SLC16A8: variants seen among roughly 807,000 people sequenced by gnomAD.
The protein encoded by SLC16A8 is solute carrier family 16 member 8.
SLC16A8 carries 20 observed loss-of-function variants against 22.4 expected under a neutral mutation model. The ratio of observed to expected loss-of-function variants is 0.89; its 90% confidence interval spans 0.63 to 1.30. The LOEUF (loss-of-function observed/expected upper bound fraction) is 1.30. Ranked by LOEUF, SLC16A8 falls within the 50% of genes most tolerant of loss-of-function variation. The pLI is 0.00. For missense variants in SLC16A8, 817 were observed against 740.3 expected, an observed-to-expected ratio of 1.10 and a Z score of -1.20; for synonymous variants, 393 against 358.8, an observed-to-expected ratio of 1.10 and a Z score of -1.08.
In SLC16A8 at chr22:38,081,123, C is replaced by T. The variant is rs1555959259; in HGVS notation, c.915G>A (p.Ala305=). The T allele has an allele frequency of 4.5e-6, 7 of 1,542,726 alleles. No individual in the cohort carries two copies. The highest frequency in any genetic ancestry group is 2.4e-5 in the South Asian group (2 of 83,520). The change falls in exon 5 of 6, where the codon GCG becomes GCA. Residue 305 remains alanine (A), a synonymous_variant. Transcript: ENST00000681075. The stretch of plus-strand genomic sequence containing the variant: ...GCGCCAGGCCCGCCAGGGCGCCGCA[C>T]GCCGGGCGCGCCACGATGTCCACGA... The part of the protein sequence containing the change: ...VGFVDIVARP[A]CGALAGLARL...
At position 38,083,034 on chromosome 22, in the gene SLC16A8, A is replaced by T. The variant is rs1569210685; in HGVS notation, c.-9+8T>A. ...AACCAAAAGGGGAAACGGAGGTAGG[A>T]CTCTCACCCCAAGTCTCCTTCTCCT... On this transcript the variant is annotated splice_region_variant and intron_variant, in intron 2 of 5. Coordinates refer to ENST00000681075, the MANE Select transcript of SLC16A8 (RefSeq NM_013356.3). The T allele has an allele frequency of 6.7e-6, 4 of 600,544 alleles. No individual in the cohort carries two copies. The highest frequency in any genetic ancestry group is 2.9e-6 in the Non-Finnish European group (1 of 339,376). The allele number at this position is 600,544 out of a possible 1,614,324, so 37.2% of individuals were successfully genotyped here.
Position 38,081,888 on chromosome 22 carries a change from C to A in SLC16A8, c.358+1G>T. 3 of 1,593,416 alleles carry A rather than the reference C, an allele frequency of 1.9e-6. No individual in the cohort carries two copies. Among genetic ancestry groups the A allele is most frequent in the Admixed American group, 1.7e-5 (1 of 57,512 alleles). On this transcript the variant is annotated splice_donor_variant, in intron 4 of 5. Transcript: ENST00000681075. LOFTEE classifies it high-confidence loss of function. ...CGGAGAGGAGACCAGGGGGCCCTCA[C>A]CTGTGAGCACCCCAGCGGTCAGGTA...
At chr22:38,078,807 G>T in intron 5 of SLC16A8, 103 bp from the exon 6 acceptor site, 2 of 952,760 alleles carry the variant, frequency 2.1e-6, no homozygotes, top group Non-Finnish European at 3.1e-6. Flanking sequence ...ACTTGGTGAG[G>T]CTCCTGGGTG....
Position 38,080,974 on chromosome 22 carries a change from A to T in SLC16A8, c.1064T>A (p.Leu355His). ...ALVAFCVAFG[L>H]SYGMVGALQF... ...CAGCGCGCCCACCATGCCGTAGGAGAGGCCGAAGGCGACGCAGAAGGCGAC... is the reference window on the plus strand; with the variant it reads ...CAGCGCGCCCACCATGCCGTAGGAGTGGCCGAAGGCGACGCAGAAGGCGAC... The change falls in exon 5 of 6, where the codon CTC (leucine) becomes CAC (histidine). Residue 355 changes from leucine (L) to histidine (H), a missense_variant. By Grantham distance (99) the Leu-to-His change is moderately conservative. Transcript: ENST00000681075. 1 of 1,597,466 alleles carries T rather than the reference A, an allele frequency of 6.3e-7. No homozygotes were observed.
rs2085873389 is a variant in SLC16A8 at position 38,078,266 on chromosome 22, T to C, written c.*122A>G. The C allele has an allele frequency of 1.1e-6, 1 of 926,180 alleles. No homozygotes were observed. The highest frequency in any genetic ancestry group is 1.7e-5 in the African/African-American group (1 of 60,570). 57.4% of individuals were successfully genotyped at this position (926,180 alleles called of 1,614,324 possible). A position where few individuals can be genotyped will look rare whatever the true frequency, so the allele number is the denominator to read the frequency against. On this transcript the variant is annotated 3_prime_UTR_variant, in exon 6 of 6. Coordinates refer to ENST00000681075, the MANE Select transcript of SLC16A8 (RefSeq NM_013356.3). The stretch of plus-strand genomic sequence containing the variant: ...GTTCCCAGACACCCAGGGGATCAAC[T>C]GGAGCCCAGACGTGGACCCCGGGAG...
At chr22:38,082,156 G>T in intron 3 of SLC16A8, 124 bp from the exon 4 acceptor site, 1 of 1,172,538 alleles carries the variant, frequency 8.5e-7, no homozygotes, top group South Asian at 1.6e-5. Flanking sequence ...ACACAGCTTG[G>T]AGGGGACAGG....
Position 38,081,675 on chromosome 22 carries a change from C to A in SLC16A8, c.363G>T (p.Leu121=). 6.6e-7 allele frequency: 1 copy of A among 1,516,678 alleles called. No individual in the cohort carries two copies. 94.0% of individuals were successfully genotyped at this position (1,516,678 alleles called of 1,614,324 possible). A position where few individuals can be genotyped will look rare whatever the true frequency, so the allele number is the denominator to read the frequency against. ...ACGGCTGGAAGTTGAGGGCCAGGCC[C>A]AGGCCTGCGGGCGAGGCGGTGCTGT... The part of the protein sequence containing the change: ...LYLTAGVLTG[L]GLALNFQPSL... Residue 121 remains leucine, a synonymous_variant, in exon 5 of 6, where the codon CTG becomes CTT. Coordinates refer to ENST00000681075, the MANE Select transcript of SLC16A8 (RefSeq NM_013356.3).
At chr22:38,080,798 A>AG (rs1434044640) in intron 5 of SLC16A8, 42 bp downstream of exon 5, 13 of 1,451,908 alleles carry the variant, frequency 9.0e-6, no homozygotes, top group Non-Finnish European at 1.2e-5. Flanking sequence ...CCTGGGTCTA[A>AG]GGGGCACTAG....
chr22:38,078,942 C>T (rs1328274956), intron 5 of SLC16A8, among the ~76,000 whole-genome samples: 1 of 152,230 alleles, frequency 6.6e-6, no homozygotes, highest in African/African-American at 2.4e-5. Context: ...TGATATGTGG[C>T]TTCTGGTGAG....
At position 38,078,481 on chromosome 22, in the gene SLC16A8, G is replaced by A; in HGVS notation, c.1422C>T (p.Gly474=). 6.2e-7 allele frequency: 1 copy of A among 1,614,002 alleles called. No homozygotes were observed. ...EPLPVVAEEP[G]NLEALEVLSA... is the part of the protein sequence containing the mutation. ...TGAGCACCTCCAGGGCCTCCAGGTT[G>A]CCGGGTTCCTCTGCAACAACAGGCA... Residue 474 remains glycine, a synonymous_variant, in exon 6 of 6, where the codon GGC becomes GGT. Transcript: ENST00000681075.
At position 38,084,137 on chromosome 22, in the gene SLC16A8, G is replaced by T. The variant is rs1464531714; in HGVS notation, c.-478C>A. Reference sequence around the variant, plus strand: ...ACCAGCCTGGGCTGAGCCTCTGGCCGACTCCCGCCTGACGCTCCCTGCCCC... The same window carrying T: ...ACCAGCCTGGGCTGAGCCTCTGGCCTACTCCCGCCTGACGCTCCCTGCCCC... On this transcript the variant is annotated 5_prime_UTR_variant, in exon 1 of 6. Coordinates refer to ENST00000681075, the MANE Select transcript of SLC16A8 (RefSeq NM_013356.3). The T allele has an allele frequency of 6.6e-6, 1 of 152,308 alleles. No homozygotes were observed. Among genetic ancestry groups the T allele is most frequent in the African/African-American group, 2.4e-5 (1 of 41,452 alleles). 9.4% of individuals were successfully genotyped at this position (152,308 alleles called of 1,614,324 possible).
Position 38,081,341 on chromosome 22 carries a change from ATG to A in SLC16A8, c.695_696del (p.Ala232ValfsTer178), listed in dbSNP as rs1569209869. 3 of 1,465,560 alleles carry A rather than the reference ATG, an allele frequency of 2.0e-6. No individual in the cohort carries two copies. In the Admixed American group the frequency reaches 7.6e-5, roughly 37 times the overall value. 90.8% of individuals were successfully genotyped at this position (1,465,560 alleles called of 1,614,324 possible). A position where few individuals can be genotyped will look rare whatever the true frequency, so the allele number is the denominator to read the frequency against. Reference protein sequence around the residue: ...ADGAGLQLREASPRVRPRRRL... With the variant: ...ADGAGLQLREXSPRVRPRRRL... ...CGCCGGCGGGGCCGGACCCTGGGGG[ATG>A]CCTCGCGCAGCTGCAGCCCCGCACC... On this transcript the variant is annotated frameshift_variant, in exon 5 of 6. Coordinates refer to ENST00000681075, the MANE Select transcript of SLC16A8 (RefSeq NM_013356.3). LOFTEE classifies it high-confidence loss of function.
Position 38,081,103 on chromosome 22 carries a change from AGGCCCGCCAGGGCGCCGCACGCCG to A in SLC16A8, c.911_934del (p.Pro304_Gly311del). On this transcript the variant is annotated inframe_deletion, in exon 5 of 6. Coordinates refer to ENST00000681075, the MANE Select transcript of SLC16A8 (RefSeq NM_013356.3). ...CGGGACGTGCGGCCGCAGACGCGCC[AGGCCCGCCAGGGCGCCGCACGCCG>A]GGCGCGCCACGATGTCCACGAAGCC... 2 of 1,551,058 alleles carry A rather than the reference AGGCCCGCCAGGGCGCCGCACGCCG, an allele frequency of 1.3e-6. No individual in the cohort carries two copies. Among genetic ancestry groups the A allele is most frequent in the Non-Finnish European group, 1.7e-6 (2 of 1,150,314 alleles).
chr22:38,078,747 G>T, intron 5 of SLC16A8, 43 bp from the exon 6 acceptor site: 1 of 1,558,744 alleles, frequency 6.4e-7, no homozygotes, highest in Middle Eastern at 1.7e-4. Flanking sequence ...AGGTCCTGTG[G>T]GGTCCTCCCC....
rs755006883 is a variant in SLC16A8 at position 38,078,510 on chromosome 22, G to A, written c.1393C>T (p.Pro465Ser). The A allele has an allele frequency of 2.5e-6, 4 of 1,614,192 alleles. No individual in the cohort carries two copies. In the South Asian group the frequency reaches 4.4e-5, roughly 18 times the overall value. Residue 465 changes from proline (P) to serine (S), a missense_variant, in exon 6 of 6, where the codon CCC (proline) becomes TCC (serine). Coordinates refer to ENST00000681075, the MANE Select transcript of SLC16A8 (RefSeq NM_013356.3). Reference protein sequence around the residue: ...EDAEAEGDSEPLPVVAEEPGN... With the variant: ...EDAEAEGDSESLPVVAEEPGN... ...GGTTCCTCTGCAACAACAGGCAGGGGCTCAGAGTCCCCTTCAGCCTCAGCG... is the reference window on the plus strand; with the variant it reads ...GGTTCCTCTGCAACAACAGGCAGGGACTCAGAGTCCCCTTCAGCCTCAGCG...
intron 5 of SLC16A8, 127 bp downstream of exon 5, chr22:38,080,713 A>AG (rs1230843653): frequency 1.5e-6 from 2 of 1,292,524 alleles, no homozygotes; most frequent in Non-Finnish European, 2.0e-6. Flanking sequence ...CTGGCCGTGA[A>AG]GGGGAGTCCA....
At chr22:38,079,134 C>G (rs548786748) in intron 5 of SLC16A8, among the ~76,000 whole-genome samples, 1 of 152,310 alleles carries the variant, frequency 6.6e-6, no homozygotes, top group East Asian at 1.9e-4. Flanking sequence ...AGTCCTCCCA[C>G]CCCTCTGTCC....
chr22:38,083,526 T>C (rs920223664), intron 1 of SLC16A8, among the ~76,000 whole-genome samples, 165 bp from the exon 2 acceptor site: 1 of 152,184 alleles, frequency 6.6e-6, no homozygotes, highest in South Asian at 2.1e-4. Flanking sequence ...AGATGGGTGA[T>C]TGATCACCCC....
chr22:38,082,747 A>G lies in SLC16A8; in HGVS notation c.127T>C (p.Phe43Leu). The change falls in exon 3 of 6, where the codon TTC becomes CTC. Residue 43 changes from phenylalanine (F) to leucine (L), a missense_variant. By Grantham distance (22) the Phe-to-Leu change is conservative. Transcript: ENST00000681075. ...TCGAAGTCGCGCATGAGCGCGCGGAAGAAGACGCTCACGGCTTTGGGGAAG... is the reference window on the plus strand; with the variant it reads ...TCGAAGTCGCGCATGAGCGCGCGGAGGAAGACGCTCACGGCTTTGGGGAAG... ...YGFPKAVSVF[F>L]RALMRDFDAG... 1 of 1,593,784 alleles carries G rather than the reference A, an allele frequency of 6.3e-7. No homozygotes were observed. The highest frequency in any genetic ancestry group is 1.1e-5 in the South Asian group (1 of 88,682).
Sources: gnomAD v4.1 joint callset for allele counts (sites outside exome capture counted in the v4.1 genomes callset) on GRCh38, gnomAD v4.1.1 for gene constraint, MANE v1.5 for transcripts, NCBI Gene and HGNC (gene_info 2026-07-23, HGNC 2026-07-21) for gene names.